Variants in RALGAPB observed in about 807,000 individuals in gnomAD.
RALGAPB encodes ral GTPase-activating protein subunit beta.
In RALGAPB, 25 loss-of-function variants were observed where a neutral mutation model predicts 161.1. The observed-to-expected ratio is 0.16, with a 90% CI of 0.11 to 0.22. The LOEUF is 0.22. RALGAPB is among the 10% of genes least tolerant of loss of function. The pLI, the probability that RALGAPB is intolerant of heterozygous loss-of-function variation, is 1.00. For synonymous variants in RALGAPB, 629 were observed against 626.1 expected (o/e 1.00, Z -0.07); for missense variants, 1,391 against 1,815.2 (o/e 0.77, Z 4.25).
intron 14 of RALGAPB, among the ~76,000 whole-genome samples, chr20:38,531,646 A>G (rs2086653474): frequency 6.6e-6 from 1 of 152,116 alleles, no homozygotes; most frequent in Admixed American, 6.5e-5. Context: ...CAAAGCACCA[A>G]TGCTTCCAAA....
chr20:38,536,785 T>C (rs1320569758), intron 16 of RALGAPB, among the ~76,000 whole-genome samples: 2 of 152,314 alleles, frequency 1.3e-5, no homozygotes, highest in Admixed American at 1.3e-4. Flanking sequence ...TGGGAATAGT[T>C]GTCAGAGGCT....
intron 23 of RALGAPB, among the ~76,000 whole-genome samples, chr20:38,561,521 AT>A (rs2087785654): frequency 6.6e-6 from 1 of 152,276 alleles, no homozygotes; most frequent in South Asian, 2.1e-4. Context: ...ATTTGGAGGA[AT>A]TTTTAGAAAT....
intron 1 of RALGAPB, among the ~76,000 whole-genome samples, chr20:38,476,057 C>T (rs777860662): frequency 6.6e-6 from 1 of 152,116 alleles, no homozygotes; most frequent in African/African-American, 2.4e-5. Context: ...GAAACTTGTC[C>T]TTGTGTGTCT....
At chr20:38,518,440 T>C (rs1427937735) in intron 9 of RALGAPB, among the ~76,000 whole-genome samples, 1 of 152,242 alleles carries the variant, frequency 6.6e-6, no homozygotes, top group Non-Finnish European at 1.5e-5. Flanking sequence ...CACACTACAC[T>C]CTGACCTCTC....
At position 38,574,257 on chromosome 20, in the gene RALGAPB, T is replaced by C; in HGVS notation, c.4250T>C (p.Ile1417Thr). The C allele has an allele frequency of 1.2e-6, 2 of 1,613,834 alleles. No individual in the cohort carries two copies. Among genetic ancestry groups the C allele is most frequent in the Non-Finnish European group, 1.7e-6 (2 of 1,179,824 alleles). ...QGATGKFNMV[I>T]PLVDGMIVSR... ...GCCACTGGAAAATTTAATATGGTCA[T>C]CCCTCTTGTGGATGGGATGATTGTC... The change falls in exon 29 of 30, where the codon ATC (isoleucine) becomes ACC (threonine). Residue 1417 changes from isoleucine (I) to threonine (T), a missense_variant. By Grantham distance (89) the Ile-to-Thr change is moderately conservative. Coordinates refer to ENST00000262879, the MANE Select transcript of RALGAPB (RefSeq NM_020336.4).
At chr20:38,562,105 A>G (rs565974877) in intron 23 of RALGAPB, among the ~76,000 whole-genome samples, 1 of 152,364 alleles carries the variant, frequency 6.6e-6, no homozygotes, top group Admixed American at 6.5e-5. Context: ...TAGATTTTAT[A>G]GCATTTATCA....
chr20:38,510,557 G>T (rs1287948716), intron 6 of RALGAPB, among the ~76,000 whole-genome samples: 1 of 152,128 alleles, frequency 6.6e-6, no homozygotes, highest in South Asian at 2.1e-4. Context: ...ACCTTCTGGG[G>T]TTTGGATTGT....
Position 38,526,018 on chromosome 20 carries a change from C to T in RALGAPB, c.2026C>T (p.Pro676Ser). Residue 676 changes from proline to serine, a missense_variant, in exon 13 of 30, where the codon CCC becomes TCC. Physicochemically the swap from Pro to Ser is moderately conservative, Grantham distance 74. This residue lies in a region of RALGAPB where 946 missense variants were observed against 1,257.2 expected (regional missense o/e 0.75). Transcript: ENST00000262879. ...AGGTGCCTTGCAAACTGAAACGGAC[C>T]CCAACAACACCCAAATGATATTAGG... ...LIGALQTETD[P>S]NNTQMILGAM... 4 of 1,613,656 alleles carry T rather than the reference C, an allele frequency of 2.5e-6. No homozygotes were observed. Among genetic ancestry groups the T allele is most frequent in the Non-Finnish European group, 2.5e-6 (3 of 1,179,868 alleles).
intron 23 of RALGAPB, among the ~76,000 whole-genome samples, chr20:38,562,073 C>T (rs2087804055): frequency 6.6e-6 from 1 of 152,156 alleles, no homozygotes; most frequent in African/African-American, 2.4e-5. Context: ...ATTAATTACA[C>T]CTAATGTTTA....
rs777600119 is a variant in RALGAPB at position 38,554,029 on chromosome 20, C to G, written c.3325C>G (p.Arg1109Gly). The G allele has an allele frequency of 1.2e-6, 2 of 1,613,776 alleles. No individual in the cohort carries two copies. Among genetic ancestry groups the G allele is most frequent in the South Asian group, 2.2e-5 (2 of 91,058 alleles). Residue 1109 changes from arginine to glycine, a missense_variant, in exon 22 of 30, where the codon CGC (arginine) becomes GGC (glycine). By Grantham distance (125) the Arg-to-Gly change is moderately radical (BLOSUM62 -2). This residue lies in a region of RALGAPB where 436 missense variants were observed against 527.0 expected (regional missense o/e 0.83). Coordinates refer to ENST00000262879, the MANE Select transcript of RALGAPB (RefSeq NM_020336.4). ...TCCTGCCCAGGAATTCCAAACAGCCCGCCTTTTTCTCTCACACTTTGGATT... is the reference window on the plus strand; with the variant it reads ...TCCTGCCCAGGAATTCCAAACAGCCGGCCTTTTTCTCTCACACTTTGGATT... ...PPPAQEFQTARLFLSHFGFLS... is the reference protein window; with the variant it reads ...PPPAQEFQTAGLFLSHFGFLS...
In RALGAPB at chr20:38,576,251, A is replaced by G. The variant is rs1484170642; in HGVS notation, c.*1284A>G. On this transcript the variant is annotated 3_prime_UTR_variant, in exon 30 of 30. Transcript: ENST00000262879. ...TCTTTAGTAAGATTATTTTAAGAAA[A>G]TAAGTGATATTTAAAGTCCAAAGAG... 1 of 152,686 alleles carries G rather than the reference A, an allele frequency of 6.5e-6. No individual in the cohort carries two copies. The highest frequency in any genetic ancestry group is 1.9e-4 in the East Asian group (1 of 5,204). 9.5% of individuals were successfully genotyped at this position (152,686 alleles called of 1,614,324 possible).
intron 4 of RALGAPB, among the ~76,000 whole-genome samples, chr20:38,498,981 T>G (rs997401193): frequency 6.6e-6 from 1 of 152,236 alleles, no homozygotes; most frequent in African/African-American, 2.4e-5. Flanking sequence ...ACTTAAACTT[T>G]CTGAATCTAA....
At chr20:38,520,483 C>G (rs1210945342) in intron 9 of RALGAPB, among the ~76,000 whole-genome samples, 1 of 141,350 alleles carries the variant, frequency 7.1e-6, no homozygotes, top group East Asian at 2.1e-4. Context: ...CTAGTCTGGT[C>G]ATGTCATGAA....
intron 20 of RALGAPB, 84 bp downstream of exon 20, chr20:38,548,879 AAT>A: frequency 8.4e-7 from 1 of 1,195,268 alleles, no homozygotes; most frequent in Non-Finnish European, 1.2e-6. Flanking sequence ...ACACAGATCA[AAT>A]AAATATTTTT....
At position 38,567,209 on chromosome 20, in the gene RALGAPB, G is replaced by T. The variant is rs763256268; in HGVS notation, c.3931G>T (p.Asp1311Tyr). Residue 1311 changes from aspartate to tyrosine, a missense_variant, in exon 26 of 30, where the codon GAC becomes TAC. Asp to Tyr is a radical substitution (Grantham distance 160). Around this residue, in one of 3 missense-constraint regions of RALGAPB, gnomAD observed 436 missense variants for 527.0 expected, o/e 0.83. Transcript: ENST00000262879. ...LTLELFPNHTDNLNSSQRLSP... is the reference protein window; with the variant it reads ...LTLELFPNHTYNLNSSQRLSP... ...ACTTGAGCTTTTCCCCAATCATACA[G>T]ACAATCTTAATTCCTCACAGAGGGT... is the stretch of plus-strand genomic sequence containing the variant. The T allele has an allele frequency of 7.4e-6, 12 of 1,613,436 alleles. No individual in the cohort carries two copies. Among genetic ancestry groups the T allele is most frequent in the Middle Eastern group, 1.7e-4 (1 of 6,060 alleles).
intron 21 of RALGAPB, 137 bp downstream of exon 21, chr20:38,551,360 C>A: frequency 9.8e-7 from 1 of 1,021,134 alleles, no homozygotes; most frequent in Non-Finnish European, 1.4e-6. Context: ...CAGGAGGTTG[C>A]CATGTTTAAG....
intron 18 of RALGAPB, among the ~76,000 whole-genome samples, chr20:38,544,556 C>T (rs1376836065): frequency 2.0e-5 from 3 of 152,182 alleles, no homozygotes; most frequent in Non-Finnish European, 4.4e-5. Flanking sequence ...CAACTGCCGC[C>T]TCCCAGAGTC....
chr20:38,570,839 T>G lies in RALGAPB; in HGVS notation c.4134T>G (p.Thr1378=). The G allele has an allele frequency of 6.3e-7, 1 of 1,597,260 alleles. No individual in the cohort carries two copies. Among genetic ancestry groups the G allele is most frequent in the Non-Finnish European group, 8.6e-7 (1 of 1,165,740 alleles). ...TGGAAACTACTGCAAATAGTAGCAC[T>G]TCACTGAGGTACACTCTATTTGCTT... is the stretch of plus-strand genomic sequence containing the variant. ...TGVETTANSS[T]SLRSTTLEKE... is the part of the protein sequence containing the mutation. Residue 1378 remains threonine (T), a synonymous_variant, in exon 28 of 30, where the codon ACT becomes ACG. Coordinates refer to ENST00000262879, the MANE Select transcript of RALGAPB (RefSeq NM_020336.4).
intron 9 of RALGAPB, among the ~76,000 whole-genome samples, chr20:38,520,087 T>C (rs2086243601): frequency 6.6e-6 from 1 of 152,214 alleles, no homozygotes; most frequent in Non-Finnish European, 1.5e-5. Flanking sequence ...TTCCTATGTT[T>C]TTGAACTAGC....
Sources: allele counts gnomAD v4.1 joint callset (sites outside exome capture counted in the v4.1 genomes callset), GRCh38; gene constraint gnomAD v4.1.1; regional missense constraint gnomAD v4.1.1; transcripts MANE v1.5; gene names NCBI Gene and HGNC (gene_info 2026-07-23, HGNC 2026-07-21).